Variants in SCN11A observed in about 807,000 individuals in gnomAD.
The protein encoded by SCN11A is sodium voltage-gated channel alpha subunit 11, also known as sodium channel protein type 11 subunit alpha.
A neutral mutation model predicts 162.2 loss-of-function variants in SCN11A; 122 were observed. The ratio of observed to expected loss-of-function variants is 0.75; its 90% CI spans 0.65 to 0.87. SCN11A has a LOEUF of 0.87. Ranked by LOEUF, SCN11A falls within the 40% of genes least tolerant of loss-of-function variation. SCN11A has a pLI of 0.00. For synonymous variants in SCN11A, 758 were observed against 751.5 expected, an observed-to-expected ratio of 1.01 and a Z score of -0.14; for missense variants, 2,015 against 2,181.6, an observed-to-expected ratio of 0.92 and a Z score of 1.52.
chr3:39,046,499 G>T (rs114063584), intron 1 of SCN11A, among the ~76,000 whole-genome samples: 38 of 151,462 alleles, frequency 2.5e-4, no homozygotes, highest in African/African-American at 8.9e-4. Context: ...ATTCTTCATA[G>T]AAATAGAAAA....
intron 1 of SCN11A, among the ~76,000 whole-genome samples, chr3:39,046,677 T>C (rs1364613426): frequency 1.3e-5 from 2 of 152,070 alleles, no homozygotes; most frequent in African/African-American, 4.8e-5. Flanking sequence ...CATCAACCAA[T>C]GGAACAGAAT....
In SCN11A at chr3:39,018,135, T is replaced by C. The variant is rs555605289; in HGVS notation, c.-280+14245A>G. Reference sequence around the variant, plus strand: ...CTACCCAGTGCCCTGGCTGGTGAAATTGGGCCACTATTCCTGGCTTTTTGT... The same window carrying C: ...CTACCCAGTGCCCTGGCTGGTGAAACTGGGCCACTATTCCTGGCTTTTTGT... On this transcript the variant is annotated intron_variant, in intron 2 of 29. Coordinates refer to ENST00000302328, the MANE Select transcript of SCN11A (RefSeq NM_001349253.2). 2.0e-5 allele frequency among the ~76,000 whole-genome samples: 3 copies of C among 152,338 alleles called. No homozygotes were observed. The South Asian group carries it at 6.2e-4, about 32-fold the overall frequency.
chr3:38,882,447 G>T (rs1310527889), intron 22 of SCN11A, among the ~76,000 whole-genome samples: 1 of 152,134 alleles, frequency 6.6e-6, no homozygotes, highest in Non-Finnish European at 1.5e-5. Flanking sequence ...AACAGTAAGA[G>T]AATTTGGTTC....
chr3:38,879,186 A>C (rs942915582), intron 23 of SCN11A, among the ~76,000 whole-genome samples: 2 of 152,134 alleles, frequency 1.3e-5, no homozygotes, highest in Non-Finnish European at 2.9e-5. Context: ...TAGCCTCTCT[A>C]TGACTTACTT....
chr3:38,999,069 T>A (rs750960954), intron 2 of SCN11A, among the ~76,000 whole-genome samples: 21 of 152,094 alleles, frequency 1.4e-4, no homozygotes, highest in Non-Finnish European at 2.5e-4. Flanking sequence ...ATAATAATTT[T>A]AAAAAAGCCT....
chr3:38,936,250 C>A (rs2066329825), intron 7 of SCN11A, among the ~76,000 whole-genome samples: 1 of 152,042 alleles, frequency 6.6e-6, no homozygotes, highest in South Asian at 2.1e-4. Context: ...CTGACAAACC[C>A]ACAGCCAATA....
chr3:39,012,566 C>A (rs2031177210), intron 2 of SCN11A, among the ~76,000 whole-genome samples: 1 of 151,062 alleles, frequency 6.6e-6, no homozygotes, highest in Non-Finnish European at 1.5e-5. Context: ...CTGAAGGCTC[C>A]ACCTCCCAGG....
chr3:39,036,145 C>A (rs79090638), intron 1 of SCN11A, among the ~76,000 whole-genome samples: 5,375 of 151,960 alleles, frequency 0.035, 304 homozygotes, highest in African/African-American at 0.12. Context: ...CAGCAGATTT[C>A]TTTTTATTTT....
At chr3:38,932,618 G>C (rs2066260826) in intron 7 of SCN11A, among the ~76,000 whole-genome samples, 1 of 152,214 alleles carries the variant, frequency 6.6e-6, no homozygotes, top group South Asian at 2.1e-4. Context: ...CTCGCTGATT[G>C]CTAGCACAGC....
At chr3:38,977,950 T>C (rs1054646223) in intron 2 of SCN11A, among the ~76,000 whole-genome samples, 7 of 152,182 alleles carry the variant, frequency 4.6e-5, no homozygotes, top group Non-Finnish European at 1.0e-4. Flanking sequence ...CCCACCAATA[T>C]TACTATTCTC....
intron 7 of SCN11A, among the ~76,000 whole-genome samples, chr3:38,938,815 C>A (rs190231231): frequency 6.6e-6 from 1 of 151,320 alleles, no homozygotes; most frequent in Non-Finnish European, 1.5e-5. Flanking sequence ...CTGCCCGCCT[C>A]GGCCTCCCAA....
rs2065849821 is a variant in SCN11A at position 38,909,201 on chromosome 3, A to G, written c.1102-7T>C. ...GCCCAGTAGTACGCAGGGTCTGCAA[A>G]GGACAGAGCATGTTCTTGAATATCA... On this transcript the variant is annotated splice_region_variant and splice_polypyrimidine_tract_variant and intron_variant, in intron 12 of 29. Transcript: ENST00000302328. The G allele has an allele frequency of 6.2e-7, 1 of 1,613,632 alleles. No individual in the cohort carries two copies. The highest frequency in any genetic ancestry group is 8.5e-7 in the Non-Finnish European group (1 of 1,179,778).
chr3:38,987,444 C>G (rs1006858961), intron 2 of SCN11A, among the ~76,000 whole-genome samples: 2 of 152,154 alleles, frequency 1.3e-5, no homozygotes, highest in South Asian at 4.1e-4. Context: ...TCCACAGGGA[C>G]AGGGCTGTCT....
At chr3:39,045,266 G>A (rs1324883778) in intron 1 of SCN11A, among the ~76,000 whole-genome samples, 1 of 152,114 alleles carries the variant, frequency 6.6e-6, no homozygotes, top group East Asian at 1.9e-4. Flanking sequence ...AATTGAAGGG[G>A]AGGGAATTCT....
At chr3:38,957,922 G>C (rs2066701281) in intron 3 of SCN11A, among the ~76,000 whole-genome samples, 1 of 152,212 alleles carries the variant, frequency 6.6e-6, no homozygotes, top group Admixed American at 6.5e-5. Flanking sequence ...CTGCACCAGA[G>C]GCAATTGTTG....
chr3:38,896,188 T>C (rs1559514975), intron 18 of SCN11A, among the ~76,000 whole-genome samples: 1 of 152,348 alleles, frequency 6.6e-6, no homozygotes, highest in East Asian at 1.9e-4. Context: ...TGTTTTAGGC[T>C]GGCTCTTCTC....
chr3:38,969,117 G>C (rs867088741), intron 2 of SCN11A, among the ~76,000 whole-genome samples: 1 of 152,304 alleles, frequency 6.6e-6, no homozygotes, highest in East Asian at 1.9e-4. Context: ...GAGGGAGGAA[G>C]GGAAGGAACA....
At chr3:39,028,452 T>C (rs1452287479) in intron 2 of SCN11A, among the ~76,000 whole-genome samples, 1 of 152,216 alleles carries the variant, frequency 6.6e-6, no homozygotes, top group Non-Finnish European at 1.5e-5. Context: ...TTAAACCTAT[T>C]TGAGATTTTA....
At chr3:38,925,567 C>T in intron 8 of SCN11A, 58 bp from the exon 9 acceptor site, 2 of 1,207,852 alleles carry the variant, frequency 1.7e-6, no homozygotes, top group Non-Finnish European at 2.4e-6. Flanking sequence ...CTGCACTGCA[C>T]ATCTCCACAA....
Sources: gnomAD v4.1 joint callset for allele counts (sites outside exome capture counted in the v4.1 genomes callset) on GRCh38, gnomAD v4.1.1 for gene constraint, MANE v1.5 for transcripts, NCBI Gene and HGNC (gene_info 2026-07-23, HGNC 2026-07-21) for gene names.